The following PTPRD variants were observed in gnomAD, a reference collection of about 807,000 sequenced individuals.
The protein encoded by PTPRD is protein tyrosine phosphatase receptor type D, also known as receptor-type tyrosine-protein phosphatase delta.
PTPRD carries 34 observed loss-of-function variants against 214.5 expected under a neutral mutation model. The ratio of observed to expected loss-of-function variants is 0.16; its 90% confidence interval spans 0.12 to 0.21. PTPRD has a LOEUF of 0.21. Among genes scored for constraint, PTPRD ranks in the 10% least tolerant of loss-of-function variants. The pLI, the probability that PTPRD is intolerant of heterozygous loss-of-function variation, is 1.00. For synonymous variants in PTPRD, 1,128 were observed against 845.7 expected (o/e 1.33, Z -5.79); for missense variants, 2,545 against 2,398.7 (o/e 1.06, Z -1.27).
intron 34 of PTPRD, among the ~76,000 whole-genome samples, chr9:8,443,027 CCCAG>C (rs2095600008): frequency 6.6e-6 from 1 of 152,156 alleles, no homozygotes; most frequent in Non-Finnish European, 1.5e-5. Flanking sequence ...TGCCTGTGGT[CCCAG>C]CTACTTGGGA....
intron 7 of PTPRD, among the ~76,000 whole-genome samples, chr9:9,696,379 G>A (rs751779417): frequency 2.0e-5 from 3 of 152,074 alleles, no homozygotes; most frequent in Non-Finnish European, 4.4e-5. Flanking sequence ...TGGATAACCT[G>A]TTCATTACTG....
At chr9:8,521,224 G>A (rs2097885233) in intron 20 of PTPRD, 53 bp downstream of exon 20, 1 of 1,550,464 alleles carries the variant, frequency 6.4e-7, no homozygotes, top group Non-Finnish European at 8.7e-7. Flanking sequence ...AGAGGCATTA[G>A]TCACTTGGCT....
chr9:10,450,249 AAAATAAAT>A (rs533401736), intron 2 of PTPRD, among the ~76,000 whole-genome samples: 16 of 151,522 alleles, frequency 1.1e-4, no homozygotes, highest in African/African-American at 3.7e-4. Flanking sequence ...AATACTAAAA[AAAATAAAT>A]AAATAAACAT....
intron 14 of PTPRD, among the ~76,000 whole-genome samples, chr9:8,537,763 G>T (rs10815908): frequency 0.15 from 22,531 of 151,764 alleles, 2,024 homozygotes; most frequent in East Asian, 0.27. Context: ...AAGGTACTCC[G>T]GGCAGAGAAT....
intron 3 of PTPRD, among the ~76,000 whole-genome samples, chr9:10,186,336 A>T (rs1184496551): frequency 6.6e-6 from 1 of 152,114 alleles, no homozygotes; most frequent in Non-Finnish European, 1.5e-5. Context: ...ATTGTTGTAT[A>T]GATTAAATAT....
At chr9:9,551,877 G>T (rs1009544787) in intron 8 of PTPRD, among the ~76,000 whole-genome samples, 2 of 151,852 alleles carry the variant, frequency 1.3e-5, no homozygotes, top group African/African-American at 4.8e-5. Flanking sequence ...TGGAACAATG[G>T]GATCATCTCT....
At chr9:10,134,239 G>A (rs2098925273) in intron 3 of PTPRD, among the ~76,000 whole-genome samples, 2 of 152,122 alleles carry the variant, frequency 1.3e-5, no homozygotes, top group African/African-American at 2.4e-5. Flanking sequence ...AGGTCTCCTG[G>A]TGACCTTATC....
At chr9:9,480,462 A>G (rs2095358647) in intron 8 of PTPRD, among the ~76,000 whole-genome samples, 1 of 152,208 alleles carries the variant, frequency 6.6e-6, no homozygotes, top group Admixed American at 6.6e-5. Context: ...TTATACATTC[A>G]AGAAGTTATA....
intron 30 of PTPRD, among the ~76,000 whole-genome samples, chr9:8,482,439 C>G (rs56075951): frequency 0.032 from 4,885 of 152,054 alleles, 256 homozygotes; most frequent in African/African-American, 0.11. Flanking sequence ...CTATGGCGCT[C>G]CCATCTATCC....
At chr9:8,444,531 T>G (rs984666349) in intron 34 of PTPRD, among the ~76,000 whole-genome samples, 11 of 152,168 alleles carry the variant, frequency 7.2e-5, no homozygotes, top group South Asian at 6.2e-4. Flanking sequence ...ATTTTAAATA[T>G]GTCAAATAAA....
intron 32 of PTPRD, among the ~76,000 whole-genome samples, chr9:8,462,988 A>C (rs1368901031): frequency 1.3e-5 from 2 of 151,986 alleles, no homozygotes; most frequent in East Asian, 3.9e-4. Context: ...GAATAAGACA[A>C]AAAATGTTCA....
At chr9:8,670,105 T>C (rs1160952753) in intron 12 of PTPRD, among the ~76,000 whole-genome samples, 1 of 152,060 alleles carries the variant, frequency 6.6e-6, no homozygotes, top group Non-Finnish European at 1.5e-5. Context: ...CAGTTCACTC[T>C]TTGAACCCAT....
At chr9:9,703,097 G>C (rs1018243916) in intron 7 of PTPRD, among the ~76,000 whole-genome samples, 1 of 152,068 alleles carries the variant, frequency 6.6e-6, no homozygotes, top group East Asian at 1.9e-4. Flanking sequence ...TGGATGGTGG[G>C]GGCAGTTCCC....
chr9:9,456,944 T>A (rs2093092468), intron 8 of PTPRD, among the ~76,000 whole-genome samples: 1 of 151,788 alleles, frequency 6.6e-6, no homozygotes, highest in African/African-American at 2.4e-5. Context: ...TAGTGATAAA[T>A]AAGACACCAC....
chr9:9,344,805 G>T (rs1448224295), intron 9 of PTPRD, among the ~76,000 whole-genome samples: 1 of 151,788 alleles, frequency 6.6e-6, no homozygotes, highest in African/African-American at 2.4e-5. Flanking sequence ...CTTCTAATGA[G>T]AAAAGTTCTA....
intron 2 of PTPRD, among the ~76,000 whole-genome samples, chr9:10,427,865 C>A: frequency 6.6e-6 from 1 of 152,018 alleles, no homozygotes; most frequent in East Asian, 1.9e-4. Flanking sequence ...ACCCACTTAA[C>A]TGATATATTT....
chr9:10,258,412 T>C (rs1311723630), intron 3 of PTPRD, among the ~76,000 whole-genome samples: 1 of 152,172 alleles, frequency 6.6e-6, no homozygotes, highest in African/African-American at 2.4e-5. Flanking sequence ...CAGAGGAACA[T>C]AGGCTTATAA....
intron 3 of PTPRD, among the ~76,000 whole-genome samples, chr9:10,251,866 G>A (rs549816072): frequency 2.0e-5 from 3 of 152,264 alleles, no homozygotes; most frequent in Non-Finnish European, 2.9e-5. Context: ...GTGGGTTAGG[G>A]AAAGGGGAAA....
chr9:9,803,074 T>C (rs2099051623), intron 5 of PTPRD, among the ~76,000 whole-genome samples: 4 of 151,826 alleles, frequency 2.6e-5, no homozygotes, highest in African/African-American at 9.7e-5. Context: ...TGCATATCGG[T>C]TTATTGTAAA....
Sources: gnomAD v4.1 joint callset for allele counts (sites outside exome capture counted in the v4.1 genomes callset) on GRCh38, gnomAD v4.1.1 for gene constraint, MANE v1.5 for transcripts, NCBI Gene and HGNC (gene_info 2026-07-23, HGNC 2026-07-21) for gene names.